UGT2A2: variants seen among roughly 807,000 people sequenced by gnomAD.
The protein encoded by UGT2A2 is UDP glucuronosyltransferase family 2 member A2.
In UGT2A2, 60 loss-of-function variants were observed where a neutral mutation model predicts 50.7. The observed-to-expected ratio is 1.18, with a 90% CI of 0.96 to 1.47. The LOEUF (loss-of-function observed/expected upper bound fraction) is 1.47. Among genes scored for constraint, UGT2A2 ranks in the 40% most tolerant of loss-of-function variants. The probability of loss-of-function intolerance (pLI) is 0.00; values close to 1 mark genes in which losing one functional copy is unlikely to be tolerated. For synonymous variants in UGT2A2, 242 were observed against 214.6 expected (o/e 1.13, Z -1.11); for missense variants, 762 against 634.0 (o/e 1.20, Z -2.17).
At chr4:69,602,983 C>T (rs1334222957) in intron 1 of UGT2A2, among the ~76,000 whole-genome samples, 1 of 135,284 alleles carries the variant, frequency 7.4e-6, no homozygotes, top group Admixed American at 7.3e-5. Context: ...CAGAGAATTG[C>T]TTGAACCCGG....
intron 1 of UGT2A2, among the ~76,000 whole-genome samples, chr4:69,607,637 A>G (rs1249117372): frequency 6.6e-6 from 1 of 152,180 alleles, no homozygotes; most frequent in Admixed American, 6.5e-5. Flanking sequence ...CAGGCAACCT[A>G]CAGAATGGGA....
chr4:69,599,160 T>C, intron 2 of UGT2A2, 86 bp downstream of exon 2: 1 of 1,459,838 alleles, frequency 6.9e-7, no homozygotes, highest in Non-Finnish European at 9.0e-7. Flanking sequence ...CAGCAGCATT[T>C]ATTTGTTATT....
At chr4:69,590,853 CTAA>C (rs1240451442) in intron 5 of UGT2A2, among the ~76,000 whole-genome samples, 1 of 152,024 alleles carries the variant, frequency 6.6e-6, no homozygotes, top group Non-Finnish European at 1.5e-5. Context: ...TTATTATACA[CTAA>C]TGTTTTATGA....
At position 69,638,999 on chromosome 4, in the gene UGT2A2, G is replaced by A. The variant is rs1245213282; in HGVS notation, c.642C>T (p.Thr214=). Residue 214 remains threonine (T), a synonymous_variant, in exon 1 of 6, where the codon ACC becomes ACT. Coordinates refer to ENST00000604629, the MANE Select transcript of UGT2A2 (RefSeq NM_001105677.2). ...AALSELTDQM[T]FGERIKNTIS... ...TGGTATTTTTAATCCTTTCACCAAAGGTCATCTGGTCAGTGAGCTCTGATA... is the reference window on the plus strand; with the variant it reads ...TGGTATTTTTAATCCTTTCACCAAAAGTCATCTGGTCAGTGAGCTCTGATA... 1 of 1,613,164 alleles carries A rather than the reference G, an allele frequency of 6.2e-7. No individual in the cohort carries two copies. The highest frequency in any genetic ancestry group is 8.5e-7 in the Non-Finnish European group (1 of 1,179,526).
At chr4:69,610,114 G>A (rs1719945597) in intron 1 of UGT2A2, among the ~76,000 whole-genome samples, 5 of 152,092 alleles carry the variant, frequency 3.3e-5, no homozygotes. Flanking sequence ...TTACACTCAT[G>A]TATTAGCAAA....
chr4:69,607,782 A>G (rs1480643094), intron 1 of UGT2A2, among the ~76,000 whole-genome samples: 2 of 152,240 alleles, frequency 1.3e-5, no homozygotes, highest in African/African-American at 2.4e-5. Context: ...CACTTCTCAA[A>G]AGAAGACATT....
chr4:69,590,496 T>C (rs1718525973), intron 5 of UGT2A2, among the ~76,000 whole-genome samples: 1 of 152,184 alleles, frequency 6.6e-6, no homozygotes, highest in Non-Finnish European at 1.5e-5. Context: ...TTCATGAAGA[T>C]GAGCGAAGGT....
At chr4:69,596,125 A>G in intron 3 of UGT2A2, 125 bp downstream of exon 3, 3 of 1,283,434 alleles carry the variant, frequency 2.3e-6, no homozygotes, top group Non-Finnish European at 1.0e-6. Flanking sequence ...AACGTTACTT[A>G]CAACTGTTAC....
At chr4:69,637,729 C>T (rs113061311) in intron 1 of UGT2A2, among the ~76,000 whole-genome samples, 1,950 of 152,156 alleles carry the variant, frequency 0.013, 40 homozygotes, top group African/African-American at 0.043. Context: ...GTTGTCTCCT[C>T]TCATGAGAAT....
chr4:69,599,341 G>T lies in UGT2A2; in HGVS notation c.796C>A (p.Arg266=), dbSNP rs138827969. 5 of 1,613,602 alleles carry T rather than the reference G, an allele frequency of 3.1e-6. No individual in the cohort carries two copies. Among genetic ancestry groups the T allele is most frequent in the Non-Finnish European group, 3.4e-6 (4 of 1,179,876 alleles). The change falls in exon 2 of 6, where the codon CGA becomes AGA. Residue 266 remains arginine (R), a synonymous_variant. Coordinates refer to ENST00000604629, the MANE Select transcript of UGT2A2 (RefSeq NM_001105677.2). ...TMGKAEIWLI[R]TYWDFEFPRP... ...GGAAATTCAAAATCCCAATATGTTC[G>T]GATTAACCAAATTTCAGCTTTCCCC...
rs1012353897 is a variant in UGT2A2, at chr4:69,623,345, G to T, written c.742+15554C>A. Among the ~76,000 whole-genome samples the T allele has an allele frequency of 2.6e-5, 4 of 151,814 alleles. No homozygotes were observed. The East Asian group carries it at 7.8e-4, about 29-fold the overall frequency. ...GAGTTCCCCAAGAAACAGACGCTGA[G>T]AAAAGAATTTGAATACAAGTAATTT... On this transcript the variant is annotated intron_variant, in intron 1 of 5. Transcript: ENST00000604629.
At chr4:69,619,339 C>G (rs1187282441) in intron 1 of UGT2A2, among the ~76,000 whole-genome samples, 1 of 151,808 alleles carries the variant, frequency 6.6e-6, no homozygotes, top group Non-Finnish European at 1.5e-5. Context: ...GTTGAGACTA[C>G]AGTGAGCCAA....
intron 1 of UGT2A2, among the ~76,000 whole-genome samples, chr4:69,626,538 C>T (rs1440597010): frequency 3.3e-5 from 5 of 151,562 alleles, no homozygotes; most frequent in Admixed American, 6.6e-5. Flanking sequence ...GTATTATGCT[C>T]ACTACTGGGT....
At chr4:69,636,824 C>T (rs183653054) in intron 1 of UGT2A2, among the ~76,000 whole-genome samples, 4 of 152,142 alleles carry the variant, frequency 2.6e-5, no homozygotes, top group Non-Finnish European at 5.9e-5. Flanking sequence ...ATCCTCCTAA[C>T]GAATATAGTG....
chr4:69,627,382 A>T (rs1369123050), intron 1 of UGT2A2, among the ~76,000 whole-genome samples: 3 of 151,836 alleles, frequency 2.0e-5, no homozygotes, highest in Non-Finnish European at 4.4e-5. Flanking sequence ...ATTACTACAT[A>T]ATAGATTCAT....
intron 1 of UGT2A2, among the ~76,000 whole-genome samples, chr4:69,630,238 C>T (rs1052982654): frequency 6.6e-6 from 1 of 151,946 alleles, no homozygotes; most frequent in Non-Finnish European, 1.5e-5. Context: ...CAGTTGGCTA[C>T]GATTCATTTT....
intron 1 of UGT2A2, among the ~76,000 whole-genome samples, chr4:69,613,103 T>A (rs1720166927): frequency 6.6e-6 from 1 of 151,866 alleles, no homozygotes; most frequent in Non-Finnish European, 1.5e-5. Context: ...AAAGAAGACA[T>A]ACAATCAACC....
intron 2 of UGT2A2, 109 bp from the exon 3 acceptor site, chr4:69,596,490 T>A: frequency 7.6e-7 from 1 of 1,321,710 alleles, no homozygotes; most frequent in Non-Finnish European, 9.8e-7. Context: ...GAGAAACTGT[T>A]GAACTGTCTG....
At chr4:69,607,472 G>A (rs1560475050) in intron 1 of UGT2A2, among the ~76,000 whole-genome samples, 1 of 151,878 alleles carries the variant, frequency 6.6e-6, no homozygotes, top group Non-Finnish European at 1.5e-5. Context: ...AACCCTAGAA[G>A]AAAACCTAGG....
Sources: gnomAD v4.1 joint callset for allele counts (sites outside exome capture counted in the v4.1 genomes callset) on GRCh38, gnomAD v4.1.1 for gene constraint, MANE v1.5 for transcripts, NCBI Gene and HGNC (gene_info 2026-07-23, HGNC 2026-07-21) for gene names.